PAX5: variants seen among roughly 807,000 people sequenced by gnomAD.
PAX5 encodes the protein paired box protein Pax-5.
Under a neutral mutation model 43.7 loss-of-function variants are expected in PAX5, and 9 were observed. That is an observed-to-expected ratio of 0.21 (90% CI 0.12 to 0.36). The LOEUF (loss-of-function observed/expected upper bound fraction) is 0.36. Among genes scored for constraint, PAX5 ranks in the 10% least tolerant of loss-of-function variants. The pLI, the probability that PAX5 is intolerant of heterozygous loss-of-function variation, is 1.00. For synonymous variants in PAX5, 228 were observed against 214.3 expected (o/e 1.06, Z -0.56); for missense variants, 383 against 532.7 (o/e 0.72, Z 2.77).
rs555624692 is a variant in PAX5, at chr9:36,932,827, G to A, written c.781-9343C>T. On this transcript the variant is annotated intron_variant, in intron 6 of 9. Coordinates refer to ENST00000358127, the MANE Select transcript of PAX5 (RefSeq NM_016734.3). ...TGAATCTGGGGGAGGGGTGCTTGGA[G>A]GCTGATTAAATTACTCCAAGTCTAC... 2.2e-4 allele frequency among the ~76,000 whole-genome samples: 34 copies of A among 152,218 alleles called. 1 individual carries two copies. The South Asian group carries it at 6.9e-3, about 31-fold the overall frequency.
chr9:36,981,482 G>C (rs1166272114), intron 5 of PAX5, among the ~76,000 whole-genome samples: 1 of 148,116 alleles, frequency 6.8e-6, no homozygotes, highest in Non-Finnish European at 1.5e-5. Context: ...GGAGACAGCT[G>C]CTCCGGTGTG....
chr9:36,955,676 C>A (rs1266492731), intron 6 of PAX5, among the ~76,000 whole-genome samples: 1 of 151,656 alleles, frequency 6.6e-6, no homozygotes, highest in Admixed American at 6.6e-5. Context: ...GAACCCATAC[C>A]CTGGGCCACC....
intron 5 of PAX5, among the ~76,000 whole-genome samples, chr9:36,994,924 G>T (rs568870781): frequency 2.6e-5 from 4 of 152,068 alleles, no homozygotes; most frequent in Non-Finnish European, 5.9e-5. Context: ...TCTACGTGAT[G>T]CCCCCACCAC....
At chr9:36,871,785 A>C (rs1011729375) in intron 8 of PAX5, among the ~76,000 whole-genome samples, 1 of 152,206 alleles carries the variant, frequency 6.6e-6, no homozygotes, top group Non-Finnish European at 1.5e-5. Context: ...AGCCCAGAGC[A>C]GCACCAAAGC....
At chr9:36,883,196 G>A (rs1022903007) in intron 7 of PAX5, among the ~76,000 whole-genome samples, 3 of 152,122 alleles carry the variant, frequency 2.0e-5, no homozygotes, top group African/African-American at 7.2e-5. Context: ...TTTCTTCAAC[G>A]GTGGGTTGCT....
rs990017034 is a variant in PAX5, at chr9:37,015,789, A to G, written c.213-595T>C. Among the ~76,000 whole-genome samples the G allele has an allele frequency of 3.3e-5, 5 of 152,160 alleles. No individual in the cohort carries two copies. Among genetic ancestry groups the G allele is most frequent in the Non-Finnish European group, 7.4e-5 (5 of 68,018 alleles). Reference sequence around the variant, plus strand: ...AGACGGGGGTTTCACCATGTTAGTCAGGCTGGTCTCGAACTCCCGACCTCA... The same window carrying G: ...AGACGGGGGTTTCACCATGTTAGTCGGGCTGGTCTCGAACTCCCGACCTCA... On this transcript the variant is annotated intron_variant, in intron 2 of 9. Transcript: ENST00000358127. The surrounding 1 kb of genome is among the most constrained non-coding windows in gnomAD (Gnocchi z 4.4).
chr9:36,991,322 G>A (rs1484354720), intron 5 of PAX5, among the ~76,000 whole-genome samples: 1 of 152,124 alleles, frequency 6.6e-6, no homozygotes, highest in Admixed American at 6.6e-5. Flanking sequence ...TCCAGCTCTA[G>A]TGCTCTCTGG....
intron 6 of PAX5, among the ~76,000 whole-genome samples, chr9:36,965,715 G>A (rs1013386985): frequency 6.6e-6 from 1 of 152,222 alleles, no homozygotes; most frequent in Non-Finnish European, 1.5e-5. Context: ...GAAAGTTGTT[G>A]TCTGTAGGGT....
At chr9:36,922,647 C>G (rs117141851) in intron 7 of PAX5, 3 of 152,250 alleles carry the variant, frequency 2.0e-5, no homozygotes, top group Non-Finnish European at 4.4e-5. Context: ...ATGTGCCAGA[C>G]GAGAGTCCAA....
chr9:36,859,256 G>A (rs574840283), intron 8 of PAX5, among the ~76,000 whole-genome samples: 16 of 152,286 alleles, frequency 1.1e-4, no homozygotes, highest in Admixed American at 2.0e-4. Context: ...AGGGGCAGGC[G>A]CGCACATAAA....
intron 5 of PAX5, among the ~76,000 whole-genome samples, chr9:36,971,323 A>T (rs900646161): frequency 1.3e-5 from 2 of 152,230 alleles, no homozygotes; most frequent in Non-Finnish European, 1.5e-5. Flanking sequence ...ATGAACCAAC[A>T]AACAGATTAT....
At chr9:36,932,325 A>G (rs1831200744) in intron 6 of PAX5, among the ~76,000 whole-genome samples, 1 of 152,250 alleles carries the variant, frequency 6.6e-6, no homozygotes, top group East Asian at 1.9e-4. Flanking sequence ...AGGTGAAGTG[A>G]CATAATGTCT....
rs1283778687 is a variant in PAX5, at chr9:36,833,693, AAG to A, written c.*6865_*6866del. On this transcript the variant is annotated 3_prime_UTR_variant, in exon 10 of 10. Coordinates refer to ENST00000358127, the MANE Select transcript of PAX5 (RefSeq NM_016734.3). ...ACACACAAAAGCAACACACGTCACT[AAG>A]AAAAAAACCACCAATATTTCAAGTC... is the stretch of plus-strand genomic sequence containing the variant. The A allele has an allele frequency of 8.6e-6, 2 of 232,528 alleles. No homozygotes were observed. The highest frequency in any genetic ancestry group is 1.7e-5 in the Non-Finnish European group (2 of 117,940). 14.4% of individuals were successfully genotyped at this position (232,528 alleles called of 1,614,324 possible).
At chr9:37,028,686 G>T (rs1004071923) in intron 1 of PAX5, among the ~76,000 whole-genome samples, 1 of 152,232 alleles carries the variant, frequency 6.6e-6, no homozygotes, top group African/African-American at 2.4e-5. Flanking sequence ...CGCGTCCAGG[G>T]CTAATAAGGG....
rs1381653417 is a variant in PAX5 at position 36,875,970 on chromosome 9, G to A, written c.1012+6034C>T. Among the ~76,000 whole-genome samples, 5 of 152,332 alleles carry A rather than the reference G, an allele frequency of 3.3e-5. No individual in the cohort carries two copies. In the East Asian group the frequency reaches 9.6e-4, roughly 29 times the overall value. On this transcript the variant is annotated intron_variant, in intron 8 of 9. Transcript: ENST00000358127. ...TTAAGTCACTCATTTGTGGTAATTTGTCACAGCAGCAACAGGAAACTCAAA... is the reference window on the plus strand; with the variant it reads ...TTAAGTCACTCATTTGTGGTAATTTATCACAGCAGCAACAGGAAACTCAAA...
intron 6 of PAX5, among the ~76,000 whole-genome samples, chr9:36,944,394 A>C (rs935295271): frequency 2.6e-5 from 4 of 152,164 alleles, no homozygotes; most frequent in African/African-American, 9.7e-5. Flanking sequence ...TGCAGCTGGT[A>C]GGTGATGGAG....
chr9:36,842,187 G>C (rs1286078337), intron 9 of PAX5, among the ~76,000 whole-genome samples: 1 of 152,112 alleles, frequency 6.6e-6, no homozygotes, highest in East Asian at 1.9e-4. Flanking sequence ...CTGCAGTCCC[G>C]ACTCAGAGAC....
chr9:36,915,171 C>T (rs1309556840), intron 7 of PAX5, among the ~76,000 whole-genome samples: 1 of 152,080 alleles, frequency 6.6e-6, no homozygotes, highest in Non-Finnish European at 1.5e-5. Context: ...ACATAAATTC[C>T]TAAAAGTACG....
chr9:36,955,210 C>CTT (rs1833345048), intron 6 of PAX5, among the ~76,000 whole-genome samples: 1 of 152,018 alleles, frequency 6.6e-6, no homozygotes, highest in Admixed American at 6.5e-5. Flanking sequence ...TCATTTTGCC[C>CTT]GTTATGTCTC....
Sources: allele counts gnomAD v4.1 joint callset (sites outside exome capture counted in the v4.1 genomes callset), GRCh38; gene constraint gnomAD v4.1.1; non-coding constraint Gnocchi (gnomAD v3.1); transcripts MANE v1.5; gene names NCBI Gene and HGNC (gene_info 2026-07-23, HGNC 2026-07-21).